Variants in SHISA9 observed in about 807,000 individuals in gnomAD.
SHISA9 encodes shisa family member 9.
In SHISA9, 13 loss-of-function variants were observed where a neutral mutation model predicts 38.0. The ratio of observed to expected loss-of-function variants is 0.34; its 90% confidence interval spans 0.22 to 0.54. The LOEUF (loss-of-function observed/expected upper bound fraction) is 0.54. Ranked by LOEUF, SHISA9 falls within the 20% of genes least tolerant of loss-of-function variation. SHISA9 has a pLI of 0.91. For synonymous variants in SHISA9, 275 were observed against 242.0 expected (o/e 1.14, Z -1.27); for missense variants, 538 against 575.8 (o/e 0.93, Z 0.67).
chr16:13,151,938 A>T (rs569433602), intron 2 of SHISA9, among the ~76,000 whole-genome samples: 1 of 152,316 alleles, frequency 6.6e-6, no homozygotes, highest in Admixed American at 6.5e-5. Context: ...GGCACATAGT[A>T]GGTGTTATCA....
the SHISA9 span, among the ~76,000 whole-genome samples, chr16:13,493,516 G>A: frequency 2.0e-5 from 3 of 152,142 alleles, no homozygotes; most frequent in Non-Finnish European, 2.9e-5. Flanking sequence ...AGACACACGG[G>A]GCTCTGATAG....
At chr16:13,453,141 G>C in the SHISA9 span, among the ~76,000 whole-genome samples, 3 of 152,114 alleles carry the variant, frequency 2.0e-5, no homozygotes, top group Admixed American at 6.5e-5. Context: ...GCCTGCCTCA[G>C]CCTCCCAAAG....
the SHISA9 span, among the ~76,000 whole-genome samples, chr16:13,351,861 C>G: frequency 2.6e-5 from 4 of 152,166 alleles, no homozygotes; most frequent in Non-Finnish European, 5.9e-5. Flanking sequence ...AACATGAGAT[C>G]AAACACGGGG....
chr16:13,070,396 G>A (rs1484945959), intron 2 of SHISA9, among the ~76,000 whole-genome samples: 1 of 152,226 alleles, frequency 6.6e-6, no homozygotes, highest in African/African-American at 2.4e-5. Flanking sequence ...GCGAGCACAT[G>A]CGATTGGCCA....
intron 2 of SHISA9, among the ~76,000 whole-genome samples, chr16:13,095,206 G>A (rs1450465567): frequency 1.3e-5 from 2 of 152,240 alleles, no homozygotes; most frequent in East Asian, 3.8e-4. Context: ...ATTGGCAGGT[G>A]TCTAGTCTAC....
chr16:12,995,723 T>C (rs1567175976), intron 2 of SHISA9, among the ~76,000 whole-genome samples: 5 of 152,348 alleles, frequency 3.3e-5, no homozygotes, highest in Admixed American at 3.3e-4. Context: ...CATGTTTGCA[T>C]TCATTTCTAG....
the SHISA9 span, among the ~76,000 whole-genome samples, chr16:13,332,776 G>A: frequency 6.6e-6 from 1 of 152,104 alleles, no homozygotes; most frequent in Admixed American, 6.5e-5. Context: ...GGATTATTAG[G>A]GGCACAATAA....
At chr16:13,472,291 G>C in the SHISA9 span, among the ~76,000 whole-genome samples, 1 of 147,598 alleles carries the variant, frequency 6.8e-6, no homozygotes, top group Non-Finnish European at 1.5e-5. Flanking sequence ...TTTCTCCTCT[G>C]TCCCCTCATT....
chr16:13,549,463 C>G, the SHISA9 span, among the ~76,000 whole-genome samples: 3 of 151,816 alleles, frequency 2.0e-5, no homozygotes, highest in African/African-American at 7.3e-5. Flanking sequence ...TAAAAACAAA[C>G]AAAAAATATA....
intron 2 of SHISA9, among the ~76,000 whole-genome samples, chr16:12,957,674 A>G (rs1047625650): frequency 4.3e-4 from 65 of 152,304 alleles, no homozygotes; most frequent in Middle Eastern, 3.4e-3. Flanking sequence ...ATAAACATTC[A>G]GTCTATGACA....
At chr16:13,217,755 C>A (rs907060035) in intron 4 of SHISA9, among the ~76,000 whole-genome samples, 1 of 152,120 alleles carries the variant, frequency 6.6e-6, no homozygotes, top group African/African-American at 2.4e-5. Flanking sequence ...CTAGGCCGGG[C>A]GTGGTGGCTC....
intron 2 of SHISA9, among the ~76,000 whole-genome samples, chr16:12,936,489 G>A (rs2071534962): frequency 6.6e-6 from 1 of 152,228 alleles, no homozygotes; most frequent in Non-Finnish European, 1.5e-5. Context: ...AAGAAAGAGA[G>A]AGAGTGTAAC....
the SHISA9 span, among the ~76,000 whole-genome samples, chr16:13,297,639 T>C: frequency 4.5e-4 from 68 of 152,282 alleles, no homozygotes; most frequent in African/African-American, 1.4e-3. Context: ...AAGTGAAGAA[T>C]AGTGAAAAGA....
Position 13,155,212 on chromosome 16 carries a change from TG to T in SHISA9, c.692-48179del, listed in dbSNP as rs559142442. ...CAAATGGGATGAGTTGGACTTTAAA[TG>T]GGATGGAGTGGCTTAGAATGCAATA... On this transcript the variant is annotated intron_variant, in intron 2 of 4. Coordinates refer to ENST00000558583, the MANE Select transcript of SHISA9 (RefSeq NM_001145204.3). Among the ~76,000 whole-genome samples, 407 of 152,218 alleles carry T rather than the reference TG, an allele frequency of 2.7e-3. 1 individual carries two copies. The highest frequency in any genetic ancestry group is 9.4e-3 in the African/African-American group (389 of 41,532).
the SHISA9 span, among the ~76,000 whole-genome samples, chr16:13,420,939 G>A: frequency 6.6e-6 from 1 of 152,172 alleles, no homozygotes; most frequent in African/African-American, 2.4e-5. Context: ...CAGCGAAACA[G>A]CTAGATTTTG....
intron 2 of SHISA9, among the ~76,000 whole-genome samples, chr16:13,109,656 A>G (rs770449096): frequency 5.9e-5 from 9 of 152,168 alleles, no homozygotes; most frequent in Admixed American, 6.6e-5. Context: ...TTGTCACCCC[A>G]ATAAGATCCT....
At chr16:13,265,130 CCCCTT>C in the SHISA9 span, among the ~76,000 whole-genome samples, 1 of 110,506 alleles carries the variant, frequency 9.0e-6, no homozygotes, top group Non-Finnish European at 1.9e-5. Flanking sequence ...CTGTTCCCCT[CCCCTT>C]CCCTTCCCCT....
At chr16:12,946,044 G>T (rs2071684603) in intron 2 of SHISA9, among the ~76,000 whole-genome samples, 1 of 152,212 alleles carries the variant, frequency 6.6e-6, no homozygotes, top group African/African-American at 2.4e-5. Context: ...GGAGGGGGAG[G>T]TTGTTACATG....
intron 2 of SHISA9, among the ~76,000 whole-genome samples, chr16:13,050,408 T>C (rs1197017239): frequency 5.9e-5 from 9 of 152,200 alleles, no homozygotes; most frequent in African/African-American, 1.9e-4. Flanking sequence ...CTTGGCTCAC[T>C]GCAACCTCTA....
Sources: allele counts gnomAD v4.1 joint callset (sites outside exome capture counted in the v4.1 genomes callset), GRCh38; gene constraint gnomAD v4.1.1; transcripts MANE v1.5; gene names NCBI Gene and HGNC (gene_info 2026-07-23, HGNC 2026-07-21).